The following PHF14 variants were observed in gnomAD, a reference collection of about 807,000 sequenced individuals.
PHF14 encodes PHD finger protein 14.
PHF14 carries 55 observed loss-of-function variants against 117.9 expected under a neutral mutation model. That is an observed-to-expected ratio of 0.47 (90% confidence interval 0.38 to 0.58). The LOEUF (loss-of-function observed/expected upper bound fraction) is 0.58, where lower values mean the gene tolerates loss of function less well. PHF14 is among the 20% of genes least tolerant of loss of function. The pLI is 0.00. For missense variants in PHF14, 978 were observed against 1,122.2 expected (o/e 0.87, Z 1.84); for synonymous variants, 409 against 368.6 (o/e 1.11, Z -1.26).
chr7:10,989,492 G>A lies in PHF14; in HGVS notation c.901-1211G>A, dbSNP rs117337306. On this transcript the variant is annotated intron_variant, in intron 3 of 17. Coordinates refer to ENST00000634607, the MANE Select transcript of PHF14 (RefSeq NM_001007157.2). ...CATCTTTTATTATATGTAATGTTAA[G>A]CACAATCTATTAAATATGCAAGAAT... 1.0e-3 allele frequency among the ~76,000 whole-genome samples: 155 copies of A among 152,092 alleles called. 1 individual carries two copies. In the East Asian group the frequency reaches 0.029, roughly 28 times the overall value.
rs577575270 is a variant in PHF14 at position 11,017,067 on chromosome 7, C to G, written c.1205+3161C>G. On this transcript the variant is annotated intron_variant, in intron 5 of 17. Transcript: ENST00000634607. ...ATCTCTAGTTCCACCCAAGTTGTTG[C>G]AAATGACTGGCTCTCATTCTTTTTT... 2.6e-5 allele frequency among the ~76,000 whole-genome samples: 4 copies of G among 152,290 alleles called. No individual in the cohort carries two copies. In the East Asian group the frequency reaches 5.8e-4, roughly 22 times the overall value.
intron 4 of PHF14, among the ~76,000 whole-genome samples, chr7:10,992,545 C>A (rs1005478016): frequency 6.6e-6 from 1 of 151,838 alleles, no homozygotes; most frequent in Non-Finnish European, 1.5e-5. Flanking sequence ...TACCTGTAAT[C>A]CCAGTTACTC....
At position 11,036,434 on chromosome 7, in the gene PHF14, G is replaced by A. The variant is rs1784328858; in HGVS notation, c.1619G>A (p.Arg540Gln). 4 of 1,612,234 alleles carry A rather than the reference G, an allele frequency of 2.5e-6. No homozygotes were observed. The highest frequency in any genetic ancestry group is 1.3e-5 in the African/African-American group (1 of 74,956). ...SPEAQARINA[R>Q]LQQYRAKAEL... ...CTTTTATAGGCAAGGATCAATGCCC[G>A]GCTTCAGCAGTATCGTGCCAAAGCA... Residue 540 changes from arginine (R) to glutamine (Q), a missense_variant, in exon 9 of 18, where the codon CGG becomes CAG. Transcript: ENST00000634607.
chr7:11,065,084 CA>C (rs1320001341), intron 16 of PHF14, among the ~76,000 whole-genome samples: 1 of 151,882 alleles, frequency 6.6e-6, no homozygotes, highest in Non-Finnish European at 1.5e-5. Flanking sequence ...ATCTAGGAGA[CA>C]AAAGGAAATT....
intron 13 of PHF14, among the ~76,000 whole-genome samples, chr7:11,049,344 A>G (rs1445721462): frequency 3.3e-5 from 5 of 151,934 alleles, no homozygotes; most frequent in Admixed American, 2.0e-4. Flanking sequence ...GCGTGGTGGC[A>G]CACACCTGTA....
At chr7:10,982,225 A>G (rs1204253237) in intron 2 of PHF14, 147 bp from the exon 3 acceptor site, 1 of 554,562 alleles carries the variant, frequency 1.8e-6, no homozygotes, top group Non-Finnish European at 3.2e-6. Flanking sequence ...CAGGTTGGGA[A>G]TGTCTACCAT....
chr7:11,140,613 A>G (rs796402659), intron 17 of PHF14, among the ~76,000 whole-genome samples: 47 of 152,266 alleles, frequency 3.1e-4, no homozygotes, highest in African/African-American at 1.0e-3. Context: ...TTTTTCTTAT[A>G]CAAAGAAATA....
At chr7:11,119,234 G>T (rs999993503) in intron 17 of PHF14, among the ~76,000 whole-genome samples, 4 of 151,714 alleles carry the variant, frequency 2.6e-5, no homozygotes, top group East Asian at 1.9e-4. Flanking sequence ...AAATTTTTTT[G>T]TGTGTTTTTA....
chr7:11,106,805 T>A, intron 16 of PHF14: 3 of 984,578 alleles, frequency 3.0e-6, no homozygotes, highest in Non-Finnish European at 3.6e-6. Flanking sequence ...AACCCATCAG[T>A]TCTCTGGATA....
intron 5 of PHF14, among the ~76,000 whole-genome samples, chr7:11,015,868 A>G (rs1186652782): frequency 6.6e-6 from 1 of 150,872 alleles, no homozygotes; most frequent in Non-Finnish European, 1.5e-5. Context: ...GAGAATTGAA[A>G]TTTTTGGTGA....
chr7:11,103,465 A>AT (rs1337852351), intron 16 of PHF14: 1 of 982,022 alleles, frequency 1.0e-6, no homozygotes, highest in Non-Finnish European at 1.2e-6. Context: ...GGTATACAGA[A>AT]TTAAAATTTG....
intron 5 of PHF14, among the ~76,000 whole-genome samples, chr7:11,020,688 T>C (rs1161428636): frequency 7.7e-6 from 1 of 129,156 alleles, no homozygotes; most frequent in Non-Finnish European, 1.5e-5. Context: ...CACTTCTTTC[T>C]TTTTTTTTCT....
chr7:10,992,109 A>G (rs1782479262), intron 4 of PHF14, among the ~76,000 whole-genome samples: 3 of 151,810 alleles, frequency 2.0e-5, no homozygotes, highest in South Asian at 4.2e-4. Flanking sequence ...GCTGGAGTGC[A>G]GCGACACAAT....
At chr7:10,991,736 T>G (rs879943843) in intron 4 of PHF14, among the ~76,000 whole-genome samples, 64 of 133,562 alleles carry the variant, frequency 4.8e-4, no homozygotes, top group Admixed American at 4.2e-3. Flanking sequence ...TTGTTTGTTT[T>G]TTTTTAATTT....
chr7:11,155,003 ACTAT>A (rs932726232), intron 17 of PHF14, among the ~76,000 whole-genome samples: 1 of 152,152 alleles, frequency 6.6e-6, no homozygotes, highest in African/African-American at 2.4e-5. Context: ...GAGGATCCTT[ACTAT>A]CTATCTGTAG....
At chr7:11,027,126 T>A (rs220093) in intron 6 of PHF14, among the ~76,000 whole-genome samples, 1 of 151,974 alleles carries the variant, frequency 6.6e-6, no homozygotes, top group African/African-American at 2.4e-5. Context: ...CTGAAATCCC[T>A]TGCTCAATTT....
At chr7:11,005,382 C>T (rs1783044642) in intron 4 of PHF14, among the ~76,000 whole-genome samples, 1 of 151,944 alleles carries the variant, frequency 6.6e-6, no homozygotes, top group Non-Finnish European at 1.5e-5. Flanking sequence ...ATGTTATAAT[C>T]TATTAACTGA....
At chr7:11,084,064 CTATTTT>C (rs1208343688) in intron 16 of PHF14, among the ~76,000 whole-genome samples, 1 of 152,106 alleles carries the variant, frequency 6.6e-6, no homozygotes, top group African/African-American at 2.4e-5. Context: ...GTTAAAGACA[CTATTTT>C]TACAAGCATT....
chr7:11,140,090 A>G (rs895731486), intron 17 of PHF14, among the ~76,000 whole-genome samples: 1 of 152,088 alleles, frequency 6.6e-6, no homozygotes, highest in South Asian at 2.1e-4. Context: ...ATACACCTCT[A>G]TACACATTTC....
Sources: allele counts gnomAD v4.1 joint callset (sites outside exome capture counted in the v4.1 genomes callset), GRCh38; gene constraint gnomAD v4.1.1; transcripts MANE v1.5; gene names NCBI Gene and HGNC (gene_info 2026-07-23, HGNC 2026-07-21).